The following KIAA0586 variants were observed in gnomAD, a reference collection of about 807,000 sequenced individuals.
KIAA0586 encodes protein TALPID3.
A neutral mutation model predicts 169.8 loss-of-function variants in KIAA0586; 144 were observed. That is an observed-to-expected ratio of 0.85 (90% confidence interval 0.74 to 0.97). KIAA0586 has a LOEUF of 0.97. Among genes scored for constraint, KIAA0586 ranks in the 50% least tolerant of loss-of-function variants. The probability of loss-of-function intolerance (pLI) is 0.00; values close to 1 mark genes in which losing one functional copy is unlikely to be tolerated. For synonymous variants in KIAA0586, 625 were observed against 612.4 expected (o/e 1.02, Z -0.30); for missense variants, 1,854 against 1,823.0 (o/e 1.02, Z -0.31).
chr14:58,557,928 T>TTTTTTTTTTA, the KIAA0586 span, among the ~76,000 whole-genome samples: 3 of 127,308 alleles, frequency 2.4e-5, no homozygotes, highest in East Asian at 2.5e-4. Flanking sequence ...TTTTTTTTTT[T>TTTTTTTTTTA]GAGACAGGGT....
At chr14:58,448,079 CAGCA>C (rs2039054738) in intron 6 of KIAA0586, among the ~76,000 whole-genome samples, 1 of 152,138 alleles carries the variant, frequency 6.6e-6, no homozygotes, top group Non-Finnish European at 1.5e-5. Context: ...GTAGAAAGGA[CAGCA>C]CTGAGGTTTA....
At chr14:58,434,896 C>A (rs2037684372) in intron 4 of KIAA0586, among the ~76,000 whole-genome samples, 2 of 151,770 alleles carry the variant, frequency 1.3e-5, no homozygotes, top group African/African-American at 4.8e-5. Context: ...TGAGGTCCCC[C>A]TAACCGCCCC....
At chr14:58,472,890 C>A (rs1410444577) in intron 18 of KIAA0586, among the ~76,000 whole-genome samples, 1 of 144,616 alleles carries the variant, frequency 6.9e-6, no homozygotes, top group Non-Finnish European at 1.5e-5. Flanking sequence ...AAAATGAAAT[C>A]CAATTTTAGA....
At chr14:58,460,796 A>G (rs957714711) in intron 13 of KIAA0586, among the ~76,000 whole-genome samples, 190 bp from the exon 14 acceptor site, 6 of 152,134 alleles carry the variant, frequency 3.9e-5, no homozygotes, top group Non-Finnish European at 5.9e-5. Context: ...GATGATTTTT[A>G]TATTTAAAGC....
At chr14:58,427,446 G>A (rs2036909612), upstream of KIAA0586, 2 of 717,784 alleles carry the variant, frequency 2.8e-6, no homozygotes, top group African/African-American at 3.6e-5. Flanking sequence ...ACAGTCCCTG[G>A]TAAACACAAG....
At chr14:58,486,905 C>T (rs1180145450) in intron 21 of KIAA0586, 102 bp from the exon 22 acceptor site, 3 of 881,296 alleles carry the variant, frequency 3.4e-6, no homozygotes, top group Non-Finnish European at 4.8e-6. Context: ...ACCCTGCCAT[C>T]AATTTAAATT....
chr14:58,441,287 C>T, intron 4 of KIAA0586: 1 of 448,274 alleles, frequency 2.2e-6, no homozygotes, highest in Non-Finnish European at 4.5e-6. Flanking sequence ...GCAGTCTCTA[C>T]CTCCTCAGGC....
At chr14:58,456,183 C>T (rs1012156570) in intron 9 of KIAA0586, among the ~76,000 whole-genome samples, 1 of 151,894 alleles carries the variant, frequency 6.6e-6, no homozygotes, top group Admixed American at 6.6e-5. Context: ...TTTTCGAGGC[C>T]GCCACAGAGT....
Position 58,487,956 on chromosome 14 carries a change from C to G in KIAA0586, c.3374C>G (p.Ala1125Gly). Reference protein sequence around the residue: ...TVTPTTTPPPAAAVFTPTLSD... With the variant: ...TVTPTTTPPPGAAVFTPTLSD... Reference sequence around the variant, plus strand: ...ACCCCTACTACTACACCTCCTCCAGCGGCGGCAGTTTTTACCCCAACTTTG... The same window carrying G: ...ACCCCTACTACTACACCTCCTCCAGGGGCGGCAGTTTTTACCCCAACTTTG... Residue 1125 changes from alanine to glycine, a missense_variant, in exon 23 of 31, where the codon GCG (alanine) becomes GGG (glycine). By Grantham distance (60) the Ala-to-Gly change is moderately conservative. Coordinates refer to ENST00000652326, the MANE Select transcript of KIAA0586 (RefSeq NM_001329943.3). The G allele has an allele frequency of 6.2e-7, 1 of 1,613,712 alleles. No homozygotes were observed. Among genetic ancestry groups the G allele is most frequent in the Non-Finnish European group, 8.5e-7 (1 of 1,179,782 alleles).
chr14:58,536,697 CCTTCAATTAAAG>C (rs1181919917), intron 29 of KIAA0586, among the ~76,000 whole-genome samples: 1 of 152,126 alleles, frequency 6.6e-6, no homozygotes, highest in Non-Finnish European at 1.5e-5. Flanking sequence ...TCCCTGTGTG[CCTTCAATTAAAG>C]CTTTTTCAGC....
chr14:58,538,239 G>T (rs117237144), intron 29 of KIAA0586, among the ~76,000 whole-genome samples: 1 of 152,032 alleles, frequency 6.6e-6, no homozygotes, highest in African/African-American at 2.4e-5. Flanking sequence ...TATGTAACTT[G>T]TATTTGTCCA....
chr14:58,543,647 A>G (rs2046803872), intron 30 of KIAA0586, among the ~76,000 whole-genome samples: 1 of 152,120 alleles, frequency 6.6e-6, no homozygotes, highest in Non-Finnish European at 1.5e-5. Context: ...ACCGCTCCCA[A>G]GTTTGTTGGT....
intron 29 of KIAA0586, among the ~76,000 whole-genome samples, chr14:58,519,686 A>T (rs933367409): frequency 6.6e-6 from 1 of 152,166 alleles, no homozygotes; most frequent in Non-Finnish European, 1.5e-5. Flanking sequence ...GATATATGGG[A>T]TAGTGTTGTG....
At chr14:58,514,342 A>G (rs571605637) in intron 29 of KIAA0586, among the ~76,000 whole-genome samples, 6 of 152,184 alleles carry the variant, frequency 3.9e-5, no homozygotes, top group Non-Finnish European at 7.4e-5. Context: ...CCTCTCATAC[A>G]TAGAAACCTT....
the KIAA0586 span, among the ~76,000 whole-genome samples, chr14:58,557,677 T>C: frequency 1.3e-5 from 2 of 152,060 alleles, no homozygotes; most frequent in Non-Finnish European, 2.9e-5. Context: ...AGAGATTTGT[T>C]CAGAGAGCCA....
At chr14:58,440,281 T>C (rs2038207113) in intron 4 of KIAA0586, 1 of 405,292 alleles carries the variant, frequency 2.5e-6, no homozygotes. Flanking sequence ...CTTTTCTCTT[T>C]TCTTCTTTCT....
At chr14:58,512,104 G>A (rs762378188) in intron 28 of KIAA0586, among the ~76,000 whole-genome samples, 29 of 152,068 alleles carry the variant, frequency 1.9e-4, no homozygotes, top group Non-Finnish European at 3.8e-4. Context: ...AAAGCTCTTC[G>A]AAAATTGCAG....
intron 27 of KIAA0586, among the ~76,000 whole-genome samples, chr14:58,506,722 C>T (rs757448393): frequency 7.9e-5 from 12 of 151,594 alleles, no homozygotes; most frequent in East Asian, 5.8e-4. Context: ...AGATGTATTT[C>T]GCTTTATGTA....
chr14:58,465,832 T>C lies in KIAA0586; in HGVS notation c.2060-3T>C, dbSNP rs17094553. 3,261 of 1,565,186 alleles carry C rather than the reference T, an allele frequency of 2.1e-3. 60 individuals are homozygous for C. In the African/African-American group the frequency reaches 0.037, roughly 18 times the overall value. On this transcript the variant is annotated splice_polypyrimidine_tract_variant and splice_region_variant and intron_variant, in intron 14 of 30. Coordinates refer to ENST00000652326, the MANE Select transcript of KIAA0586 (RefSeq NM_001329943.3). ...AAATATCTGCCATTGGTGATTATTATAGGCACTAAGGTAAAGTCAATAAGA... is the reference window on the plus strand; with the variant it reads ...AAATATCTGCCATTGGTGATTATTACAGGCACTAAGGTAAAGTCAATAAGA...
Sources: allele counts gnomAD v4.1 joint callset (sites outside exome capture counted in the v4.1 genomes callset), GRCh38; gene constraint gnomAD v4.1.1; transcripts MANE v1.5; gene names NCBI Gene and HGNC (gene_info 2026-07-23, HGNC 2026-07-21).